MYO10: variants seen among roughly 807,000 people sequenced by gnomAD.
The protein encoded by MYO10 is myosin X.
In MYO10, 133 loss-of-function variants were observed where a neutral mutation model predicts 257.3. The observed-to-expected ratio is 0.52, with a 90% CI of 0.45 to 0.60. The LOEUF is 0.60. MYO10 is among the 20% of genes least tolerant of loss of function. The pLI, the probability that MYO10 is intolerant of heterozygous loss-of-function variation, is 0.00. For synonymous variants in MYO10, 1,104 were observed against 1,028.6 expected (o/e 1.07, Z -1.40); for missense variants, 2,399 against 2,635.7 (o/e 0.91, Z 1.97).
At chr5:16,750,441 C>T (rs1740346999) in intron 19 of MYO10, among the ~76,000 whole-genome samples, 1 of 151,930 alleles carries the variant, frequency 6.6e-6, no homozygotes, top group Admixed American at 6.6e-5. Context: ...AACAAAAGCT[C>T]ACAAAGGATT....
intron 19 of MYO10, among the ~76,000 whole-genome samples, chr5:16,717,177 A>T (rs1282791353): frequency 2.0e-5 from 3 of 152,252 alleles, no homozygotes; most frequent in African/African-American, 7.2e-5. Context: ...AGAAGTTAAA[A>T]AGTAAGTCTC....
Position 16,861,751 on chromosome 5 carries a change from C to G in MYO10, c.120+15858G>C, listed in dbSNP as rs77002795. 2.6e-3 allele frequency among the ~76,000 whole-genome samples: 395 copies of G among 152,238 alleles called. 3 individuals carry two copies. Among genetic ancestry groups the G allele is most frequent in the African/African-American group, 9.0e-3 (374 of 41,542 alleles). ...GAAGTGAACACAGCAAAGACACCAA[C>G]TCCCATTACCAGTCTCACTCCGTCT... is the stretch of plus-strand genomic sequence containing the variant. On this transcript the variant is annotated intron_variant, in intron 2 of 40. Transcript: ENST00000513610.
Position 16,676,068 on chromosome 5 carries a change from C to T in MYO10, c.4629G>A (p.Pro1543=), listed in dbSNP as rs187007592. Residue 1543 remains proline, a synonymous_variant, in exon 34 of 41, where the codon CCG becomes CCA. Transcript: ENST00000513610. The part of the protein sequence containing the change: ...LRYTHHPLHS[P]LLPLPYGDIN... ...TGTCCCCATACGGAAGGGGCAGGAG[C>T]GGGGAGTGCAAGGGGTGATGGGTGT... 6.6e-3 allele frequency: 10,664 copies of T among 1,612,758 alleles called. 56 individuals are homozygous for T. The highest frequency in any genetic ancestry group is 8.2e-3 in the Non-Finnish European group (9,634 of 1,179,416).
At chr5:16,810,097 G>A (rs1468733599) in intron 3 of MYO10, among the ~76,000 whole-genome samples, 3 of 152,096 alleles carry the variant, frequency 2.0e-5, no homozygotes, top group Admixed American at 6.6e-5. Context: ...GCTTGCCTTC[G>A]GTGCAACAGA....
At chr5:16,750,077 A>C (rs1005786357) in intron 19 of MYO10, among the ~76,000 whole-genome samples, 4 of 152,182 alleles carry the variant, frequency 2.6e-5, no homozygotes, top group African/African-American at 9.7e-5. Context: ...AGAAGTCCTC[A>C]TTACCAACGA....
In MYO10 at chr5:16,702,548, G is replaced by A; in HGVS notation, c.2551C>T (p.Gln851Ter). 2 of 1,591,620 alleles carry A rather than the reference G, an allele frequency of 1.3e-6. No individual in the cohort carries two copies. The highest frequency in any genetic ancestry group is 1.8e-5 in the Admixed American group (1 of 56,722). ...RERREAELRA[Q>*]QEEETRKQQE... ...GTTGTCACTGCACTCATTACCTGCT[G>A]GGCGCGGAGCTCGGCTTCTCTTCGC... Residue 851 changes from glutamine to a stop codon, truncating the protein, a stop_gained, in exon 24 of 41, where the codon CAG becomes TAG. Transcript: ENST00000513610. LOFTEE classifies it high-confidence loss of function.
At position 16,701,608 on chromosome 5, in the gene MYO10, C is replaced by T. The variant is rs149110; in HGVS notation, c.2787G>A (p.Arg929=). 23,862 of 1,612,790 alleles carry T rather than the reference C, an allele frequency of 0.015. 1,703 individuals are homozygous for T. The African/African-American group carries it at 0.21, about 14-fold the overall frequency. Residue 929 remains arginine (R), a synonymous_variant, in exon 25 of 41, where the codon AGG becomes AGA. Coordinates refer to ENST00000513610, the MANE Select transcript of MYO10 (RefSeq NM_012334.3). This position sits in a 1 kb window ranked among gnomAD's most constrained non-coding sequence, Gnocchi z 8.1. ...LQERRDQELR[R]LEEEACRAAQ... ...CCGCCCTGCACGCTTCCTCCTCCAGCCTGCGGAGCTCCTGGTCCCGCCGCT... is the reference window on the plus strand; with the variant it reads ...CCGCCCTGCACGCTTCCTCCTCCAGTCTGCGGAGCTCCTGGTCCCGCCGCT...
chr5:16,812,379 C>T (rs1159432206), intron 3 of MYO10, among the ~76,000 whole-genome samples: 2 of 152,194 alleles, frequency 1.3e-5, no homozygotes, highest in Non-Finnish European at 2.9e-5. Flanking sequence ...ACACTGGCAT[C>T]AAACTCGGTA....
At chr5:16,769,387 T>C (rs998407590) in intron 9 of MYO10, among the ~76,000 whole-genome samples, 184 bp from the exon 10 acceptor site, 2 of 152,192 alleles carry the variant, frequency 1.3e-5, no homozygotes, top group Non-Finnish European at 2.9e-5. Context: ...CAAGCTGGAG[T>C]GCAGTGGCAC....
chr5:16,708,332 T>A (rs762385098), intron 21 of MYO10, among the ~76,000 whole-genome samples: 76 of 152,204 alleles, frequency 5.0e-4, no homozygotes, highest in Non-Finnish European at 2.9e-4. Context: ...TGTGTGAATA[T>A]CTTATCTTCC....
At chr5:16,872,146 G>A (rs1744471955) in intron 2 of MYO10, among the ~76,000 whole-genome samples, 1 of 152,160 alleles carries the variant, frequency 6.6e-6, no homozygotes. Flanking sequence ...GGCCCAGACT[G>A]CCGACCACAA....
chr5:16,668,093 G>A (rs1238555255), intron 40 of MYO10, among the ~76,000 whole-genome samples, 184 bp downstream of exon 40: 1 of 152,120 alleles, frequency 6.6e-6, no homozygotes, highest in Non-Finnish European at 1.5e-5. Flanking sequence ...AAAAAAATAT[G>A]GTGATCTCAG....
At chr5:16,836,119 C>T (rs1013311338) in intron 2 of MYO10, among the ~76,000 whole-genome samples, 3 of 152,192 alleles carry the variant, frequency 2.0e-5, no homozygotes, top group Admixed American at 6.5e-5. Flanking sequence ...GGCATACTAT[C>T]GTCAGTATCC....
intron 19 of MYO10, among the ~76,000 whole-genome samples, chr5:16,719,827 G>C (rs563984668): frequency 5.3e-5 from 8 of 152,166 alleles, no homozygotes; most frequent in Admixed American, 4.6e-4. Context: ...AGCCAGGCGT[G>C]GTGGTACATG....
intron 11 of MYO10, 48 bp from the exon 12 acceptor site, chr5:16,764,444 G>A (rs1272869763): frequency 3.1e-6 from 5 of 1,604,840 alleles, no homozygotes; most frequent in Non-Finnish European, 4.3e-6. Flanking sequence ...GGGCACCCCA[G>A]ACAGGCAAGG....
At chr5:16,859,375 G>A (rs534218046) in intron 2 of MYO10, among the ~76,000 whole-genome samples, 1 of 152,194 alleles carries the variant, frequency 6.6e-6, no homozygotes, top group South Asian at 2.1e-4. Flanking sequence ...CTCCATTCAT[G>A]AGGGGCCCAC....
In MYO10 at chr5:16,681,889, G is replaced by C. The variant is rs759150568; in HGVS notation, c.4171C>G (p.Gln1391Glu). ...CAGTCACCTCTCACGATGAATTCCT[G>C]GCCCTCCACTCTGGTGTCCCCTTTG... ...RSKGDTRVEGQEFIVRGWLHK... is the reference protein window; with the variant it reads ...RSKGDTRVEGEEFIVRGWLHK... The change falls in exon 31 of 41, where the codon CAG becomes GAG. Residue 1391 changes from glutamine to glutamate, a missense_variant. By Grantham distance (29) the Gln-to-Glu change is conservative (BLOSUM62 2). Transcript: ENST00000513610. The C allele has an allele frequency of 3.7e-6, 6 of 1,613,918 alleles. No individual in the cohort carries two copies. Among genetic ancestry groups the C allele is most frequent in the African/African-American group, 1.3e-5 (1 of 75,042 alleles).
intron 3 of MYO10, among the ~76,000 whole-genome samples, chr5:16,795,607 AG>A (rs1296374681): frequency 6.6e-6 from 1 of 152,136 alleles, no homozygotes; most frequent in African/African-American, 2.4e-5. Flanking sequence ...TCTCAAAAAA[AG>A]TTATGGAAGT....
chr5:16,890,148 C>T (rs1561041674), intron 1 of MYO10, among the ~76,000 whole-genome samples: 1 of 151,866 alleles, frequency 6.6e-6, no homozygotes, highest in African/African-American at 2.4e-5. Flanking sequence ...TATCACATAT[C>T]GAAAACAAAT....
Sources: gnomAD v4.1 joint callset for allele counts (sites outside exome capture counted in the v4.1 genomes callset) on GRCh38, gnomAD v4.1.1 for gene constraint, Gnocchi (gnomAD v3.1) non-coding constraint, MANE v1.5 for transcripts, NCBI Gene and HGNC (gene_info 2026-07-23, HGNC 2026-07-21) for gene names.